The following MTHFD1L variants were observed in gnomAD, a reference collection of about 807,000 sequenced individuals.
MTHFD1L encodes the protein monofunctional C1-tetrahydrofolate synthase, mitochondrial.
Under a neutral mutation model 119.5 loss-of-function variants are expected in MTHFD1L, and 81 were observed. That is an observed-to-expected ratio of 0.68 (90% confidence interval 0.57 to 0.82). The LOEUF (loss-of-function observed/expected upper bound fraction) is 0.82. Ranked by LOEUF, MTHFD1L falls within the 40% of genes least tolerant of loss-of-function variation. The probability of loss-of-function intolerance (pLI) is 0.00; values close to 1 mark genes in which losing one functional copy is unlikely to be tolerated. For synonymous variants in MTHFD1L, 430 were observed against 475.2 expected, an observed-to-expected ratio of 0.90 and a Z score of 1.24; for missense variants, 1,125 against 1,253.4, an observed-to-expected ratio of 0.90 and a Z score of 1.55.
At chr6:151,021,440 C>T (rs530399414) in intron 24 of MTHFD1L, among the ~76,000 whole-genome samples, 8 of 151,972 alleles carry the variant, frequency 5.3e-5, no homozygotes, top group Non-Finnish European at 8.8e-5. Flanking sequence ...CCCAGCTACT[C>T]GGGAGGCTGA....
At chr6:150,868,447 C>G (rs1174872029) in intron 1 of MTHFD1L, among the ~76,000 whole-genome samples, 1 of 151,354 alleles carries the variant, frequency 6.6e-6, no homozygotes, top group African/African-American at 2.4e-5. Context: ...TCAAGCGATT[C>G]CCCTGCCTCA....
At chr6:150,953,198 C>A (rs1795100043) in intron 16 of MTHFD1L, among the ~76,000 whole-genome samples, 1 of 152,170 alleles carries the variant, frequency 6.6e-6, no homozygotes, top group South Asian at 2.1e-4. Context: ...TGGACCTGCC[C>A]CTGATTGAAC....
At chr6:150,954,230 A>C (rs2128983924) in intron 16 of MTHFD1L, among the ~76,000 whole-genome samples, 1 of 152,364 alleles carries the variant, frequency 6.6e-6, no homozygotes, top group Non-Finnish European at 1.5e-5. Context: ...GTATACATTG[A>C]GTAAAGTGGA....
At chr6:151,029,753 G>A (rs762876456) in intron 24 of MTHFD1L, among the ~76,000 whole-genome samples, 3 of 152,146 alleles carry the variant, frequency 2.0e-5, no homozygotes, top group Admixed American at 6.5e-5. Flanking sequence ...CCAAGATCTC[G>A]CCATTCCACT....
intron 20 of MTHFD1L, among the ~76,000 whole-genome samples, chr6:150,982,134 GAT>G (rs139847234): frequency 0.011 from 1,722 of 151,384 alleles, 29 homozygotes; most frequent in African/African-American, 0.04. Flanking sequence ...GAGAGAGAGA[GAT>G]AATACTTTTT....
At chr6:151,086,106 A>G (rs1305380108) in intron 26 of MTHFD1L, among the ~76,000 whole-genome samples, 2 of 152,182 alleles carry the variant, frequency 1.3e-5, no homozygotes, top group Non-Finnish European at 1.5e-5. Flanking sequence ...CTCTAAGAGC[A>G]CACACCATCA....
At chr6:151,052,060 T>C (rs1789143019) in intron 26 of MTHFD1L, among the ~76,000 whole-genome samples, 1 of 152,146 alleles carries the variant, frequency 6.6e-6, no homozygotes, top group Non-Finnish European at 1.5e-5. Context: ...AGGGATGGGA[T>C]GTGAGCAAGG....
intron 26 of MTHFD1L, among the ~76,000 whole-genome samples, chr6:151,072,680 T>C (rs1360484552): frequency 6.6e-6 from 1 of 151,930 alleles, no homozygotes; most frequent in Non-Finnish European, 1.5e-5. Context: ...TCCCAGCAAC[T>C]TGGGAGGCTG....
At chr6:151,078,052 C>CAACAAA (rs1792747686) in intron 26 of MTHFD1L, among the ~76,000 whole-genome samples, 2 of 59,936 alleles carry the variant, frequency 3.3e-5, no homozygotes, top group Non-Finnish European at 6.2e-5. Flanking sequence ...GACTCTGTCT[C>CAACAAA]AAAAAAAAAA....
chr6:150,885,815 G>T, intron 6 of MTHFD1L, 81 bp downstream of exon 6: 2 of 1,139,012 alleles, frequency 1.8e-6, no homozygotes, highest in South Asian at 1.5e-5. Flanking sequence ...GTTTGGGGAA[G>T]AATTAAAAAT....
At chr6:150,990,433 CATTTT>C (rs376681260) in intron 20 of MTHFD1L, among the ~76,000 whole-genome samples, 272 of 152,068 alleles carry the variant, frequency 1.8e-3, no homozygotes, top group African/African-American at 6.2e-3. Flanking sequence ...GATAAGATGA[CATTTT>C]ATTTTTATTT....
chr6:150,943,695 T>C (rs894600244), intron 13 of MTHFD1L, among the ~76,000 whole-genome samples: 4 of 152,180 alleles, frequency 2.6e-5, no homozygotes, highest in South Asian at 2.1e-4. Flanking sequence ...CTATAAACTA[T>C]ACAAAAGATT....
At position 150,905,718 on chromosome 6, in the gene MTHFD1L, A is replaced by G. The variant is rs1562353173; in HGVS notation, c.849A>G (p.Gln283=). Residue 283 remains glutamine, a synonymous_variant, in exon 8 of 28, where the codon CAA becomes CAG. Coordinates refer to ENST00000367321, the MANE Select transcript of MTHFD1L (RefSeq NM_015440.5). ...KPEEIPLTWI[Q]PGTTVLNCSH... ...AAGAGATTCCCCTTACTTGGATACA[A>G]CCAGGAACTACTGTTCTCAACTGCT... The G allele has an allele frequency of 6.2e-7, 1 of 1,614,146 alleles. No homozygotes were observed.
intron 8 of MTHFD1L, among the ~76,000 whole-genome samples, chr6:150,912,002 A>G (rs373027850): frequency 1.3e-5 from 2 of 152,122 alleles, no homozygotes; most frequent in African/African-American, 4.8e-5. Flanking sequence ...CAGCCAAACC[A>G]TATCAGAGGA....
At position 150,956,147 on chromosome 6, in the gene MTHFD1L, C is replaced by A. The variant is rs1562450419; in HGVS notation, c.1803+76C>A. The A allele has an allele frequency of 6.3e-6, 9 of 1,433,852 alleles. No homozygotes were observed. The Admixed American group carries it at 1.5e-4, about 24-fold the overall frequency. 88.8% of individuals were successfully genotyped at this position (1,433,852 alleles called of 1,614,324 possible). A position where few individuals can be genotyped will look rare whatever the true frequency, so the allele number is the denominator to read the frequency against. The stretch of plus-strand genomic sequence containing the variant: ...ACTGGCCTGGGAGCTCACTCTTTGC[C>A]TTTCTTGTCTCATCCCCAACCTGTT... On this transcript the variant is annotated intron_variant, in intron 17 of 27. Coordinates refer to ENST00000367321, the MANE Select transcript of MTHFD1L (RefSeq NM_015440.5).
At chr6:151,064,526 G>A (rs1791008099) in intron 26 of MTHFD1L, among the ~76,000 whole-genome samples, 1 of 152,076 alleles carries the variant, frequency 6.6e-6, no homozygotes, top group South Asian at 2.1e-4. Context: ...TCTTGGCCAG[G>A]CTGTTCTTGA....
intron 12 of MTHFD1L, 47 bp from the exon 13 acceptor site, chr6:150,938,652 G>C: frequency 2.5e-6 from 4 of 1,587,502 alleles, no homozygotes; most frequent in Non-Finnish European, 3.4e-6. Flanking sequence ...CATCGTGGCA[G>C]CTGTACTTGG....
intron 11 of MTHFD1L, among the ~76,000 whole-genome samples, chr6:150,930,836 A>G (rs13204193): frequency 6.6e-6 from 1 of 152,198 alleles, no homozygotes; most frequent in Non-Finnish European, 1.5e-5. Context: ...TGCAGAACAG[A>G]TTAATTCTTT....
At chr6:151,004,259 A>G (rs1367309237) in intron 20 of MTHFD1L, among the ~76,000 whole-genome samples, 1 of 152,118 alleles carries the variant, frequency 6.6e-6, no homozygotes, top group Admixed American at 6.5e-5. Context: ...TGGGAGGCGG[A>G]GGTTGCAGTG....
Sources: allele counts gnomAD v4.1 joint callset (sites outside exome capture counted in the v4.1 genomes callset), GRCh38; gene constraint gnomAD v4.1.1; transcripts MANE v1.5; gene names NCBI Gene and HGNC (gene_info 2026-07-23, HGNC 2026-07-21).